The following SPATS1 variants were observed in gnomAD, a reference collection of about 807,000 sequenced individuals.
SPATS1 encodes the protein spermatogenesis associated serine rich 1.
Under a neutral mutation model 33.6 loss-of-function variants are expected in SPATS1, and 23 were observed. The observed-to-expected ratio is 0.68, with a 90% CI of 0.49 to 0.97. The LOEUF (loss-of-function observed/expected upper bound fraction) is 0.97. Among genes scored for constraint, SPATS1 ranks in the 50% least tolerant of loss-of-function variants. The pLI is 0.00. For synonymous variants in SPATS1, 131 were observed against 125.6 expected, an observed-to-expected ratio of 1.04 and a Z score of -0.29; for missense variants, 327 against 361.0, an observed-to-expected ratio of 0.91 and a Z score of 0.76.
intron 3 of SPATS1, among the ~76,000 whole-genome samples, chr6:44,354,448 AT>A (rs201516935): frequency 1.3e-5 from 2 of 149,702 alleles, no homozygotes; most frequent in African/African-American, 5.1e-5. Flanking sequence ...AAGTAAACAT[AT>A]TTTTTGCACA....
chr6:44,361,993 G>A lies in SPATS1; in HGVS notation c.574+1G>A, dbSNP rs747773789. Reference sequence around the variant, plus strand: ...AAGTGCTTTGGGAGAAAGAAATACGGTGATGTTTCCTTCTGGGTCTTGACT... The same window carrying A: ...AAGTGCTTTGGGAGAAAGAAATACGATGATGTTTCCTTCTGGGTCTTGACT... On this transcript the variant is annotated splice_donor_variant, in intron 5 of 8. Transcript: ENST00000674044. LOFTEE classifies it high-confidence loss of function. The A allele has an allele frequency of 1.4e-5, 22 of 1,614,080 alleles. No homozygotes were observed. Among genetic ancestry groups the A allele is most frequent in the Admixed American group, 3.3e-5 (2 of 60,006 alleles).
chr6:44,359,713 G>A (rs1788790660), intron 3 of SPATS1, among the ~76,000 whole-genome samples: 1 of 151,914 alleles, frequency 6.6e-6, no homozygotes, highest in Non-Finnish European at 1.5e-5. Context: ...GGGATTACAG[G>A]CATGCACTAC....
At position 44,377,546 on chromosome 6, in the gene SPATS1, T is replaced by G. The variant is rs559256121; in HGVS notation, c.*483T>G. On this transcript the variant is annotated 3_prime_UTR_variant, in exon 9 of 9. Transcript: ENST00000674044. ...TCAATTATATTTAGTTTTCTAAGGA[T>G]GCCCTCAAATCAATCATAAAATACA... The G allele has an allele frequency of 5.9e-6, 1 of 169,210 alleles. No individual in the cohort carries two copies. The highest frequency in any genetic ancestry group is 1.4e-4 in the South Asian group (1 of 6,898). 10.5% of individuals were successfully genotyped at this position (169,210 alleles called of 1,614,324 possible). A position where few individuals can be genotyped will look rare whatever the true frequency, so the allele number is the denominator to read the frequency against.
chr6:44,361,408 C>T (rs1788913187), intron 4 of SPATS1: 2 of 985,282 alleles, frequency 2.0e-6, no homozygotes, highest in African/African-American at 1.7e-5. Flanking sequence ...ACCATGTTTC[C>T]TCCACTTGAG....
In SPATS1 at chr6:44,379,221, A is replaced by G. The variant is rs1176379198; in HGVS notation, c.*2158A>G. ...CAGAGATTTCCTGGTGAGATTATCT[A>G]GGTGGCACAGGAAACTGCTCTCAGA... On this transcript the variant is annotated 3_prime_UTR_variant, in exon 9 of 9. Transcript: ENST00000674044. 1.3e-5 allele frequency among the ~76,000 whole-genome samples: 2 copies of G among 152,170 alleles called. No homozygotes were observed. The highest frequency in any genetic ancestry group is 4.8e-5 in the African/African-American group (2 of 41,434).
At chr6:44,342,937 G>A (rs866475655) in intron 1 of SPATS1, 159 bp from the exon 2 acceptor site, 23 of 1,239,026 alleles carry the variant, frequency 1.9e-5, no homozygotes, top group Non-Finnish European at 2.5e-5. Flanking sequence ...ACCACGAAAC[G>A]CCCAGGTGGA....
chr6:44,349,192 G>A (rs190640497), intron 2 of SPATS1, among the ~76,000 whole-genome samples: 17 of 151,520 alleles, frequency 1.1e-4, no homozygotes, highest in African/African-American at 1.9e-4. Flanking sequence ...CCAGCTACTC[G>A]GGAGGCTGAG....
chr6:44,360,079 G>A (rs1199599784), intron 3 of SPATS1, among the ~76,000 whole-genome samples: 1 of 152,092 alleles, frequency 6.6e-6, no homozygotes, highest in Non-Finnish European at 1.5e-5. Context: ...GAATTACTGA[G>A]TCTTATGGTA....
intron 5 of SPATS1, among the ~76,000 whole-genome samples, chr6:44,365,633 T>G (rs1789198126): frequency 6.6e-6 from 1 of 152,210 alleles, no homozygotes; most frequent in Non-Finnish European, 1.5e-5. Flanking sequence ...ATGCTTCTTT[T>G]TAAAGTGGCA....
At chr6:44,342,931 C>G (rs1561952656) in intron 1 of SPATS1, 163 bp downstream of exon 1, 1 of 1,244,600 alleles carries the variant, frequency 8.0e-7, no homozygotes, top group East Asian at 2.6e-5. Flanking sequence ...TTCCAAACCA[C>G]GAAACGCCCA....
chr6:44,374,780 T>A (rs1315360307), intron 7 of SPATS1, among the ~76,000 whole-genome samples: 1 of 152,234 alleles, frequency 6.6e-6, no homozygotes, highest in Non-Finnish European at 1.5e-5. Context: ...GTTCTAGTAG[T>A]TCTTTACGCT....
intron 7 of SPATS1, among the ~76,000 whole-genome samples, chr6:44,370,346 T>C (rs762100078): frequency 3.9e-5 from 6 of 152,156 alleles, no homozygotes; most frequent in African/African-American, 1.4e-4. Flanking sequence ...AGATGCCATG[T>C]GTTGTGCTAG....
chr6:44,343,289 A>ACCCC, intron 2 of SPATS1, 55 bp downstream of exon 2: 1 of 1,291,784 alleles, frequency 7.7e-7, no homozygotes, highest in Non-Finnish European at 1.1e-6. Context: ...CAAGTATACT[A>ACCCC]CACCCGGGGG....
chr6:44,348,434 CG>C (rs1268790486), intron 2 of SPATS1, among the ~76,000 whole-genome samples: 1 of 150,832 alleles, frequency 6.6e-6, no homozygotes, highest in African/African-American at 2.4e-5. Flanking sequence ...AAAATCTTTT[CG>C]GGGGGAGAGG....
intron 6 of SPATS1, 36 bp downstream of exon 6, chr6:44,368,535 C>CTTTAAAGGAATTGTAG: frequency 6.3e-7 from 1 of 1,578,850 alleles, no homozygotes; most frequent in South Asian, 1.2e-5. Context: ...ATATAGTTAA[C>CTTTAAAGGAATTGTAG]TTTAAAGGAA....
Sources: allele counts gnomAD v4.1 joint callset (sites outside exome capture counted in the v4.1 genomes callset), GRCh38; gene constraint gnomAD v4.1.1; transcripts MANE v1.5; gene names NCBI Gene and HGNC (gene_info 2026-07-23, HGNC 2026-07-21).